The following PRR14L variants were observed in gnomAD, a reference collection of about 807,000 sequenced individuals.
PRR14L encodes proline rich 14 like, also known as protein PRR14L.
PRR14L carries 80 observed loss-of-function variants against 155.0 expected under a neutral mutation model. The observed-to-expected ratio is 0.52, with a 90% CI of 0.43 to 0.62. The LOEUF (loss-of-function observed/expected upper bound fraction) is 0.62. Ranked by LOEUF, PRR14L falls within the 20% of genes least tolerant of loss-of-function variation. PRR14L has a pLI of 0.00. For synonymous variants in PRR14L, 883 were observed against 916.0 expected, an observed-to-expected ratio of 0.96 and a Z score of 0.65; for missense variants, 2,469 against 2,548.0, an observed-to-expected ratio of 0.97 and a Z score of 0.67.
Position 31,685,324 on chromosome 22 carries a change from G to C in PRR14L, c.*203C>G. ...TGAGGTTCTATACTCAGCAGTAAAA[G>C]TAGAGGACCCTCCTTCACCAGTTTC... On this transcript the variant is annotated 3_prime_UTR_variant, in exon 9 of 9. Transcript: ENST00000327423. 1 of 567,554 alleles carries C rather than the reference G, an allele frequency of 1.8e-6. No individual in the cohort carries two copies. The highest frequency in any genetic ancestry group is 3.2e-5 in the Admixed American group (1 of 31,132). The allele number at this position is 567,554 out of a possible 1,614,324, so 35.2% of individuals were successfully genotyped here.
At chr22:31,730,343 C>T (rs1042741268) in intron 2 of PRR14L, among the ~76,000 whole-genome samples, 2 of 151,992 alleles carry the variant, frequency 1.3e-5, no homozygotes, top group African/African-American at 4.8e-5. Flanking sequence ...GAGGCTGAAG[C>T]AGAAAAACTG....
chr22:31,691,697 A>ATG (rs1269253709), intron 7 of PRR14L, among the ~76,000 whole-genome samples: 1 of 152,172 alleles, frequency 6.6e-6, no homozygotes, highest in East Asian at 1.9e-4. Context: ...CTGTTGTAGC[A>ATG]TGTATCAGTA....
rs147256058 is a variant in PRR14L, at chr22:31,694,429, C to A, written c.6108-6202G>T. Among the ~76,000 whole-genome samples, 4 of 152,244 alleles carry A rather than the reference C, an allele frequency of 2.6e-5. No individual in the cohort carries two copies. In the East Asian group the frequency reaches 5.8e-4, roughly 22 times the overall value. On this transcript the variant is annotated intron_variant, in intron 7 of 8. Coordinates refer to ENST00000327423, the MANE Select transcript of PRR14L (RefSeq NM_173566.3). ...TTGAGGTCAGGAGTTCAAGACCAGCCTGACCAACATGGTGAAACCCTGTCT... is the reference window on the plus strand; with the variant it reads ...TTGAGGTCAGGAGTTCAAGACCAGCATGACCAACATGGTGAAACCCTGTCT...
chr22:31,745,116 G>A (rs1466040084), intron 1 of PRR14L, among the ~76,000 whole-genome samples: 5 of 152,194 alleles, frequency 3.3e-5, no homozygotes, highest in Non-Finnish European at 7.4e-5. Flanking sequence ...TTTGGCTCAC[G>A]CCTGTAATCC....
chr22:31,745,843 TAAAAAAAAA>T (rs755650797), intron 1 of PRR14L, among the ~76,000 whole-genome samples: 6 of 133,762 alleles, frequency 4.5e-5, no homozygotes, highest in Non-Finnish European at 8.0e-5. Context: ...AGACTCAGTT[TAAAAAAAAA>T]AAAAAAAAAA....
At position 31,716,766 on chromosome 22, in the gene PRR14L, G is replaced by T; in HGVS notation, c.1073C>A (p.Ser358Tyr). ...DLSGPESRTI[S>Y]LENCGFEGGG... ...ACCTTCAAAACCACAGTTTTCTAAG[G>T]ATATTGTTCTGGATTCTGGACCAGA... Residue 358 changes from serine to tyrosine, a missense_variant, in exon 4 of 9, where the codon TCC becomes TAC. Physicochemically the swap from Ser to Tyr is moderately radical, Grantham distance 144. Around this residue, in one of 2 missense-constraint regions of PRR14L, gnomAD observed 2,363 missense variants for 2,371.6 expected, o/e 1.00. Transcript: ENST00000327423. The T allele has an allele frequency of 6.4e-7, 1 of 1,551,784 alleles. No homozygotes were observed. Among genetic ancestry groups the T allele is most frequent in the Non-Finnish European group, 8.7e-7 (1 of 1,147,026 alleles).
chr22:31,705,915 C>T (rs1271613435), intron 4 of PRR14L, among the ~76,000 whole-genome samples: 1 of 151,882 alleles, frequency 6.6e-6, no homozygotes, highest in Non-Finnish European at 1.5e-5. Context: ...ACAGGAGAAT[C>T]GCTTGAACCC....
In PRR14L at chr22:31,682,434, G is replaced by A. The variant is rs573297935; in HGVS notation, c.*3093C>T. 1 of 152,210 alleles carries A rather than the reference G, an allele frequency of 6.6e-6. No individual in the cohort carries two copies. Among genetic ancestry groups the A allele is most frequent in the South Asian group, 2.1e-4 (1 of 4,828 alleles). The allele number at this position is 152,210 out of a possible 1,614,324, so 9.4% of individuals were successfully genotyped here. A position where few individuals can be genotyped will look rare whatever the true frequency, so the allele number is the denominator to read the frequency against. On this transcript the variant is annotated 3_prime_UTR_variant, in exon 9 of 9. Transcript: ENST00000327423. ...TACCTCCCTCAGCTACTGTAGCTTAGAGTAAGGTCAGTAAGAAAAAGTGGA... is the reference window on the plus strand; with the variant it reads ...TACCTCCCTCAGCTACTGTAGCTTAAAGTAAGGTCAGTAAGAAAAAGTGGA...
Position 31,704,635 on chromosome 22 carries a change from G to A in PRR14L, c.5828+20C>T, listed in dbSNP as rs767384511. The A allele has an allele frequency of 1.6e-5, 25 of 1,606,570 alleles. No homozygotes were observed. In the Admixed American group the frequency reaches 3.2e-4, roughly 20 times the overall value. On this transcript the variant is annotated intron_variant, in intron 5 of 8. Transcript: ENST00000327423. ...CACACACGCACACGCGCACACACAC[G>A]CTGAGTCTCATGTGCTTACCTCGTC...
intron 2 of PRR14L, among the ~76,000 whole-genome samples, chr22:31,726,382 C>G (rs183248832): frequency 6.6e-6 from 1 of 152,034 alleles, no homozygotes; most frequent in African/African-American, 2.4e-5. Context: ...CCACCTGCCT[C>G]GGCCTCCCAA....
chr22:31,685,980 G>A (rs1053937907), intron 8 of PRR14L, among the ~76,000 whole-genome samples, 177 bp from the exon 9 acceptor site: 1 of 152,070 alleles, frequency 6.6e-6, no homozygotes, highest in Non-Finnish European at 1.5e-5. Context: ...TGTTGCCCAG[G>A]CTGGAGCGCA....
intron 3 of PRR14L, among the ~76,000 whole-genome samples, chr22:31,718,549 C>T (rs1001322938): frequency 5.4e-5 from 8 of 147,718 alleles, no homozygotes; most frequent in Admixed American, 2.0e-4. Context: ...CCACCACGCC[C>T]GGCCTGCCCA....
intron 7 of PRR14L, among the ~76,000 whole-genome samples, chr22:31,690,704 T>C (rs2074506822): frequency 6.6e-6 from 1 of 151,582 alleles, no homozygotes; most frequent in Admixed American, 6.6e-5. Context: ...TGCAGTGGCG[T>C]GATCTTGGCT....
intron 8 of PRR14L, among the ~76,000 whole-genome samples, chr22:31,687,913 C>A (rs1326132922): frequency 6.6e-6 from 1 of 151,484 alleles, no homozygotes; most frequent in Non-Finnish European, 1.5e-5. Flanking sequence ...CGCCTGTAGT[C>A]CCAGCTACTC....
intron 2 of PRR14L, among the ~76,000 whole-genome samples, chr22:31,731,301 A>C (rs1601513597): frequency 3.3e-5 from 5 of 152,102 alleles, no homozygotes. Flanking sequence ...GCCGTGGCTC[A>C]TGCCTATAAT....
At position 31,704,446 on chromosome 22, in the gene PRR14L, C is replaced by G. The variant is rs1248250600; in HGVS notation, c.5828+209G>C. The G allele has an allele frequency of 1.4e-5, 5 of 356,196 alleles. 1 individual carries two copies. The highest frequency in any genetic ancestry group is 2.6e-5 in the Non-Finnish European group (5 of 195,664). The allele number at this position is 356,196 out of a possible 1,614,324, so 22.1% of individuals were successfully genotyped here. A position where few individuals can be genotyped will look rare whatever the true frequency, so the allele number is the denominator to read the frequency against. ...GTGATTTTCACTTTTTTTTTTTTAA[C>G]AAATTGTATTATTACACATTCCTAG... On this transcript the variant is annotated intron_variant, in intron 5 of 8. Coordinates refer to ENST00000327423, the MANE Select transcript of PRR14L (RefSeq NM_173566.3).
chr22:31,737,572 G>C (rs1018074045), intron 2 of PRR14L, among the ~76,000 whole-genome samples: 4 of 151,656 alleles, frequency 2.6e-5, no homozygotes, highest in African/African-American at 9.7e-5. Context: ...AAGATTGCTT[G>C]AGCCCAGGAA....
At chr22:31,692,791 C>A (rs1986999748) in intron 7 of PRR14L, among the ~76,000 whole-genome samples, 2 of 152,106 alleles carry the variant, frequency 1.3e-5, no homozygotes, top group African/African-American at 2.4e-5. Flanking sequence ...CAGGAGTGTG[C>A]CACCATGCCT....
intron 2 of PRR14L, among the ~76,000 whole-genome samples, chr22:31,730,766 G>T (rs2074744917): frequency 6.6e-6 from 1 of 152,146 alleles, no homozygotes; most frequent in African/African-American, 2.4e-5. Context: ...TGTGATGGTT[G>T]CCAAACAGTG....
Sources: allele counts gnomAD v4.1 joint callset (sites outside exome capture counted in the v4.1 genomes callset), GRCh38; gene constraint gnomAD v4.1.1; regional missense constraint gnomAD v4.1.1; transcripts MANE v1.5; gene names NCBI Gene and HGNC (gene_info 2026-07-23, HGNC 2026-07-21).